GRID2IP: variants seen among roughly 807,000 people sequenced by gnomAD.
GRID2IP encodes the protein Grid2 interacting protein.
Under a neutral mutation model 114.3 loss-of-function variants are expected in GRID2IP, and 78 were observed. That is an observed-to-expected ratio of 0.68 (90% CI 0.57 to 0.82). GRID2IP has a LOEUF of 0.82. Ranked by LOEUF, GRID2IP falls within the 40% of genes least tolerant of loss-of-function variation. The probability of loss-of-function intolerance (pLI) is 0.00; values close to 1 mark genes in which losing one functional copy is unlikely to be tolerated. For synonymous variants in GRID2IP, 809 were observed against 724.0 expected (o/e 1.12, Z -1.89); for missense variants, 1,727 against 1,678.5 (o/e 1.03, Z -0.51).
At chr7:6,501,011 G>A (rs1375914862) in intron 20 of GRID2IP, among the ~76,000 whole-genome samples, 1 of 152,188 alleles carries the variant, frequency 6.6e-6, no homozygotes, top group Non-Finnish European at 1.5e-5. Flanking sequence ...ACTCAAAAGA[G>A]CTCTGGCTTC....
intron 13 of GRID2IP, 50 bp from the exon 14 acceptor site, chr7:6,505,957 A>T: frequency 7.6e-7 from 1 of 1,314,738 alleles, no homozygotes; most frequent in Non-Finnish European, 1.1e-6. Context: ...CAGCAGCTGG[A>T]CTGGCCTCCC....
Position 6,508,338 on chromosome 7 carries a change from T to G in GRID2IP, c.2191A>C (p.Ile731Leu). ...GAGCTGCCTTCTTCACTGCTGCTGA[T>G]GCAGTCGCTGGCGCTGCTCCGCTCA... is the stretch of plus-strand genomic sequence containing the variant. ...TNERSSASDC[I>L]SSSEEGSSLT... is the part of the protein sequence containing the mutation. The change falls in exon 13 of 22, where the codon ATC becomes CTC. Residue 731 changes from isoleucine (I) to leucine (L), a missense_variant. Physicochemically the swap from Ile to Leu is conservative, Grantham distance 5. Coordinates refer to ENST00000457091, the MANE Select transcript of GRID2IP (RefSeq NM_001145118.2). This position sits in a 1 kb window ranked among gnomAD's most constrained non-coding sequence, Gnocchi z 5.6. The G allele has an allele frequency of 1.3e-6, 2 of 1,551,574 alleles. No homozygotes were observed. The highest frequency in any genetic ancestry group is 1.2e-5 in the South Asian group (1 of 84,050).
Position 6,551,209 on chromosome 7 carries a change from C to T in GRID2IP, c.228G>A (p.Pro76=). The change falls in exon 1 of 22, where the codon CCG becomes CCA. Residue 76 remains proline, a synonymous_variant. Transcript: ENST00000457091. ...VRLARRCPRV[P]PSLGVLPAPD... The stretch of plus-strand genomic sequence containing the variant: ...GAGCCGGGAGCACGCCCAGACTGGG[C>T]GGCACACGTGGGCAGCGCCGTGCCA... The T allele has an allele frequency of 6.7e-7, 1 of 1,485,658 alleles. No individual in the cohort carries two copies. The highest frequency in any genetic ancestry group is 8.9e-7 in the Non-Finnish European group (1 of 1,125,504). The allele number at this position is 1,485,658 out of a possible 1,614,324, so 92.0% of individuals were successfully genotyped here.
At position 6,521,201 on chromosome 7, in the gene GRID2IP, C is replaced by A. The variant is rs527310174; in HGVS notation, c.1084+228G>T. Among the ~76,000 whole-genome samples, 7 of 152,214 alleles carry A rather than the reference C, an allele frequency of 4.6e-5. No homozygotes were observed. In the South Asian group the frequency reaches 1.5e-3, roughly 32 times the overall value. ...GCTCAGACTGGTCTCAAACTCCTGG[C>A]CTCAAGCGATCCTCCCACCTTGGCC... On this transcript the variant is annotated intron_variant, in intron 6 of 21. Transcript: ENST00000457091. This position sits in a 1 kb window ranked among gnomAD's most constrained non-coding sequence, Gnocchi z 4.1.
chr7:6,522,016 G>A, intron 4 of GRID2IP, 59 bp from the exon 5 acceptor site: 1 of 1,342,954 alleles, frequency 7.4e-7, no homozygotes, highest in Non-Finnish European at 1.0e-6. Context: ...TTTGAGAGCA[G>A]GATGCTATCC....
At chr7:6,515,858 G>A (rs537082805) in intron 7 of GRID2IP, among the ~76,000 whole-genome samples, 1 of 152,164 alleles carries the variant, frequency 6.6e-6, no homozygotes, top group East Asian at 1.9e-4. Context: ...TAGCACTTTG[G>A]GAGGCTGAGG....
Position 6,536,920 on chromosome 7 carries a change from G to T in GRID2IP, c.584+2798C>A. 1 of 606,730 alleles carries T rather than the reference G, an allele frequency of 1.6e-6. No homozygotes were observed. Among genetic ancestry groups the T allele is most frequent in the Non-Finnish European group, 3.0e-6 (1 of 333,278 alleles). 37.6% of individuals were successfully genotyped at this position (606,730 alleles called of 1,614,324 possible). A position where few individuals can be genotyped will look rare whatever the true frequency, so the allele number is the denominator to read the frequency against. On this transcript the variant is annotated intron_variant, in intron 2 of 21. Transcript: ENST00000457091. This position sits in a 1 kb window ranked among gnomAD's most constrained non-coding sequence, Gnocchi z 5.3. ...CTGCGCCGGGGCTGGGGTGGGCGGG[G>T]GGGCGGCGGGGAGGGTGGCCAGCCC...
At chr7:6,510,216 G>T in intron 11 of GRID2IP, 67 bp downstream of exon 11, 1 of 1,063,718 alleles carries the variant, frequency 9.4e-7, no homozygotes, top group Non-Finnish European at 1.4e-6. Flanking sequence ...CAGAGAAGCA[G>T]CTCCAGGGCT....
intron 20 of GRID2IP, among the ~76,000 whole-genome samples, chr7:6,499,474 A>C (rs959696523): frequency 5.3e-5 from 8 of 152,220 alleles, no homozygotes; most frequent in African/African-American, 1.9e-4. Flanking sequence ...TCTGTTGCCC[A>C]GACTGGAGTG....
At position 6,521,881 on chromosome 7, in the gene GRID2IP, C is replaced by A. The variant is rs1188552894; in HGVS notation, c.989+7G>T. 1 of 1,550,370 alleles carries A rather than the reference C, an allele frequency of 6.5e-7. No homozygotes were observed. The highest frequency in any genetic ancestry group is 8.7e-7 in the Non-Finnish European group (1 of 1,145,856). Reference sequence around the variant, plus strand: ...ACCAACCCCTGGTGTCCCCAATAGCCTCTGACCTCATGTCCAGTCCATTGA... The same window carrying A: ...ACCAACCCCTGGTGTCCCCAATAGCATCTGACCTCATGTCCAGTCCATTGA... On this transcript the variant is annotated splice_region_variant and intron_variant, in intron 5 of 21. Coordinates refer to ENST00000457091, the MANE Select transcript of GRID2IP (RefSeq NM_001145118.2). The surrounding 1 kb of genome is among the most constrained non-coding windows in gnomAD (Gnocchi z 4.1).
At chr7:6,500,936 T>C (rs1429928331) in intron 20 of GRID2IP, among the ~76,000 whole-genome samples, 1 of 152,204 alleles carries the variant, frequency 6.6e-6, no homozygotes, top group Non-Finnish European at 1.5e-5. Flanking sequence ...CTGCTCCTTG[T>C]AATTTTGACA....
In GRID2IP at chr7:6,519,487, G is replaced by A. The variant is rs979084156; in HGVS notation, c.1268+1091C>T. ...ACAAAACCAAACCAGGCCAGGTGCG[G>A]TGACTCATGCCTGTAATCCCAGCAC... On this transcript the variant is annotated intron_variant, in intron 7 of 21. Transcript: ENST00000457091. This position sits in a 1 kb window ranked among gnomAD's most constrained non-coding sequence, Gnocchi z 4.1. 3.9e-5 allele frequency among the ~76,000 whole-genome samples: 6 copies of A among 152,116 alleles called. No homozygotes were observed. The highest frequency in any genetic ancestry group is 2.6e-4 in the Admixed American group (4 of 15,262).
At position 6,538,767 on chromosome 7, in the gene GRID2IP, G is replaced by A. The variant is rs558065682; in HGVS notation, c.584+951C>T. Among the ~76,000 whole-genome samples, 17 of 152,130 alleles carry A rather than the reference G, an allele frequency of 1.1e-4. No individual in the cohort carries two copies. The South Asian group carries it at 3.5e-3, about 32-fold the overall frequency. ...GTGGCACCTGTAGTCTCAACTACTC[G>A]GGAGGTTGAGGCAGGAGAATTGCTT... On this transcript the variant is annotated intron_variant, in intron 2 of 21. Coordinates refer to ENST00000457091, the MANE Select transcript of GRID2IP (RefSeq NM_001145118.2).
chr7:6,504,416 C>G (rs1474940879), intron 15 of GRID2IP, among the ~76,000 whole-genome samples: 1 of 150,828 alleles, frequency 6.6e-6, no homozygotes, highest in Non-Finnish European at 1.5e-5. Flanking sequence ...CAGGGGCGGG[C>G]CCTGAAATAG....
Position 6,506,077 on chromosome 7 carries a change from C to T in GRID2IP, c.2545-170G>A, listed in dbSNP as rs886555655. Among the ~76,000 whole-genome samples the T allele has an allele frequency of 3.3e-5, 5 of 152,194 alleles. No individual in the cohort carries two copies. Among genetic ancestry groups the T allele is most frequent in the African/African-American group, 7.2e-5 (3 of 41,450 alleles). ...AGACTGCAGGAGAAGCCAGATCATC[C>T]GAGTCACCGGGTGCTGAGCCAGCGC... is the stretch of plus-strand genomic sequence containing the variant. On this transcript the variant is annotated intron_variant, in intron 13 of 21. Transcript: ENST00000457091. The surrounding 1 kb of genome is among the most constrained non-coding windows in gnomAD (Gnocchi z 5.2).
At position 6,534,424 on chromosome 7, in the gene GRID2IP, G is replaced by C. The variant is rs1318532078; in HGVS notation, c.584+5294C>G. Among the ~76,000 whole-genome samples the C allele has an allele frequency of 2.6e-5, 4 of 152,212 alleles. No homozygotes were observed. The highest frequency in any genetic ancestry group is 7.2e-5 in the African/African-American group (3 of 41,450). ...GCCATTTTCTCACTTCATCAGACCG[G>C]GGTCCCTTTGGGGAGAGACCCAAAT... On this transcript the variant is annotated intron_variant, in intron 2 of 21. Transcript: ENST00000457091. The surrounding 1 kb of genome is among the most constrained non-coding windows in gnomAD (Gnocchi z 4.5).
chr7:6,526,936 CT>C lies in GRID2IP; in HGVS notation c.585-168del, dbSNP rs1411312683. Among the ~76,000 whole-genome samples the C allele has an allele frequency of 3.3e-5, 5 of 152,202 alleles. No individual in the cohort carries two copies. The highest frequency in any genetic ancestry group is 5.9e-5 in the Non-Finnish European group (4 of 68,022). ...GATGAGCAGCCGGTAGCACCCCAGT[CT>C]CCCCCTCGCTGCTCGGATTTGCGCC... On this transcript the variant is annotated intron_variant, in intron 2 of 21. Transcript: ENST00000457091. The surrounding 1 kb of genome is among the most constrained non-coding windows in gnomAD (Gnocchi z 7.6).
Position 6,536,831 on chromosome 7 carries a change from C to T in GRID2IP, c.584+2887G>A, listed in dbSNP as rs1779732370. On this transcript the variant is annotated intron_variant, in intron 2 of 21. Transcript: ENST00000457091. The surrounding 1 kb of genome is among the most constrained non-coding windows in gnomAD (Gnocchi z 5.3). ...AGCAAGGGGCTCACCCCTTACTCAC[C>T]CCAGGCAGCTCATGGTGGCCTCTTT... 1 of 702,110 alleles carries T rather than the reference C, an allele frequency of 1.4e-6. No homozygotes were observed. The highest frequency in any genetic ancestry group is 1.5e-5 in the South Asian group (1 of 67,582). The allele number at this position is 702,110 out of a possible 1,614,324, so 43.5% of individuals were successfully genotyped here. A position where few individuals can be genotyped will look rare whatever the true frequency, so the allele number is the denominator to read the frequency against.
At chr7:6,535,370 G>C (rs1184201377) in intron 2 of GRID2IP, among the ~76,000 whole-genome samples, 1 of 152,220 alleles carries the variant, frequency 6.6e-6, no homozygotes, top group African/African-American at 2.4e-5. Flanking sequence ...AGTGGCTACT[G>C]TGCTAGATGG....
Sources: gnomAD v4.1 joint callset for allele counts (sites outside exome capture counted in the v4.1 genomes callset) on GRCh38, gnomAD v4.1.1 for gene constraint, Gnocchi (gnomAD v3.1) non-coding constraint, MANE v1.5 for transcripts, NCBI Gene and HGNC (gene_info 2026-07-23, HGNC 2026-07-21) for gene names.